The following ADGRA2 variants were observed in gnomAD, a reference collection of about 807,000 sequenced individuals.
The protein encoded by ADGRA2 is adhesion G protein-coupled receptor A2, also known as G-protein coupled receptor 124.
ADGRA2 carries 61 observed loss-of-function variants against 98.7 expected under a neutral mutation model. The ratio of observed to expected loss-of-function variants is 0.62; its 90% CI spans 0.50 to 0.76. ADGRA2 has a LOEUF of 0.76. Among genes scored for constraint, ADGRA2 ranks in the 30% least tolerant of loss-of-function variants. ADGRA2 has a pLI of 0.00. For synonymous variants in ADGRA2, 858 were observed against 831.5 expected (o/e 1.03, Z -0.55); for missense variants, 1,712 against 1,860.0 (o/e 0.92, Z 1.46).
rs781617227 is a variant in ADGRA2 at position 37,843,577 on chromosome 8, G to A, written c.*1222G>A. ...AAACCGAGGGAACCCTGGGTCTTGG[G>A]AAGAACAACAGGAAACCAAGGTCTG... On this transcript the variant is annotated 3_prime_UTR_variant, in exon 19 of 19. Coordinates refer to ENST00000412232, the MANE Select transcript of ADGRA2 (RefSeq NM_032777.10). The A allele has an allele frequency of 2.0e-5, 3 of 152,158 alleles. No individual in the cohort carries two copies. Among genetic ancestry groups the A allele is most frequent in the Non-Finnish European group, 4.4e-5 (3 of 68,048 alleles). The allele number at this position is 152,158 out of a possible 1,614,324, so 9.4% of individuals were successfully genotyped here. A position where few individuals can be genotyped will look rare whatever the true frequency, so the allele number is the denominator to read the frequency against.
rs1398034591 is a variant in ADGRA2, at chr8:37,844,464, G to A, written c.*2109G>A. ...GAATGTTATCAAGCTGTCAGAACAG[G>A]ATGAAGTGCTCCCAGTGGATATCCA... is the stretch of plus-strand genomic sequence containing the variant. On this transcript the variant is annotated 3_prime_UTR_variant, in exon 19 of 19. Transcript: ENST00000412232. 5 of 1,606,322 alleles carry A rather than the reference G, an allele frequency of 3.1e-6. No homozygotes were observed. The East Asian group carries it at 6.7e-5, about 22-fold the overall frequency.
In ADGRA2 at chr8:37,833,964, C is replaced by G. The variant is rs1317916924; in HGVS notation, c.1447-3C>G. ...GCCCTCAGCAACTTCCCTGTCCCCC[C>G]AGCTGGTAGAGGTGATGGTGGACAT... On this transcript the variant is annotated splice_polypyrimidine_tract_variant and splice_region_variant and intron_variant, in intron 10 of 18. Coordinates refer to ENST00000412232, the MANE Select transcript of ADGRA2 (RefSeq NM_032777.10). 1.9e-6 allele frequency: 3 copies of G among 1,611,078 alleles called. No individual in the cohort carries two copies. The highest frequency in any genetic ancestry group is 2.5e-6 in the Non-Finnish European group (3 of 1,178,112).
chr8:37,835,705 G>A lies in ADGRA2; in HGVS notation c.1985G>A (p.Arg662His), dbSNP rs576854487. 98 of 1,613,850 alleles carry A rather than the reference G, an allele frequency of 6.1e-5. No individual in the cohort carries two copies. The highest frequency in any genetic ancestry group is 6.0e-4 in the East Asian group (27 of 44,872). ...RLFHSHSNTS[R>H]PGAAGPGKRR... is the part of the protein sequence containing the mutation. ...TTCCACAGCCACAGCAACACCTCCC[G>A]CCCTGGAGCTGCTGGGCCTGGCAAG... Residue 662 changes from arginine to histidine, a missense_variant, in exon 13 of 19, where the codon CGC becomes CAC. Transcript: ENST00000412232.
At chr8:37,810,909 G>T (rs1804809099) in intron 1 of ADGRA2, among the ~76,000 whole-genome samples, 2 of 151,870 alleles carry the variant, frequency 1.3e-5, no homozygotes, top group African/African-American at 4.8e-5. Context: ...GAGGTCAGGA[G>T]ATCAAGACCA....
intron 1 of ADGRA2, among the ~76,000 whole-genome samples, chr8:37,799,225 A>G (rs754372992): frequency 1.3e-5 from 2 of 152,138 alleles, no homozygotes; most frequent in Non-Finnish European, 2.9e-5. Context: ...AAATACAAAA[A>G]TTAGCCAGGC....
At position 37,797,125 on chromosome 8, in the gene ADGRA2, C is replaced by T; in HGVS notation, c.-144C>T. The T allele has an allele frequency of 2.0e-6, 1 of 505,040 alleles. No homozygotes were observed. Among genetic ancestry groups the T allele is most frequent in the Non-Finnish European group, 2.8e-6 (1 of 355,578 alleles). 31.3% of individuals were successfully genotyped at this position (505,040 alleles called of 1,614,324 possible). On this transcript the variant is annotated 5_prime_UTR_variant, in exon 1 of 19. Coordinates refer to ENST00000412232, the MANE Select transcript of ADGRA2 (RefSeq NM_032777.10). The surrounding 1 kb of genome is among the most constrained non-coding windows in gnomAD (Gnocchi z 5.3). The stretch of plus-strand genomic sequence containing the variant: ...CCCCGGGGCGCGGCGGCGGGGACCC[C>T]GGGGCTCGCCTCCGCCCAGGGCCCC...
chr8:37,844,896 A>G lies in ADGRA2; in HGVS notation c.*2541A>G. ...CACAGACCGTTTGTCAAGTCTCAGA[A>G]CTCGTAACCAGGCCAGCTGCTCAGC... is the stretch of plus-strand genomic sequence containing the variant. On this transcript the variant is annotated 3_prime_UTR_variant, in exon 19 of 19. Transcript: ENST00000412232. The G allele has an allele frequency of 6.2e-7, 1 of 1,614,048 alleles. No individual in the cohort carries two copies. Among genetic ancestry groups the G allele is most frequent in the Non-Finnish European group, 8.5e-7 (1 of 1,180,002 alleles).
intron 1 of ADGRA2, among the ~76,000 whole-genome samples, chr8:37,806,604 T>TCTGCAACCTCTGCCTCC (rs1189038017): frequency 1.2e-4 from 18 of 146,788 alleles, no homozygotes; most frequent in Non-Finnish European, 2.5e-4. Context: ...ATCTTGGCTC[T>TCTGCAACCTCTGCCTCC]CTGCAACCTC....
rs760264703 is a variant in ADGRA2 at position 37,797,545 on chromosome 8, T to C, written c.266+11T>C. 2 of 1,373,512 alleles carry C rather than the reference T, an allele frequency of 1.5e-6. No homozygotes were observed. Among genetic ancestry groups the C allele is most frequent in the Non-Finnish European group, 1.9e-6 (2 of 1,058,204 alleles). The allele number at this position is 1,373,512 out of a possible 1,614,324, so 85.1% of individuals were successfully genotyped here. A position where few individuals can be genotyped will look rare whatever the true frequency, so the allele number is the denominator to read the frequency against. On this transcript the variant is annotated intron_variant, in intron 1 of 18. Coordinates refer to ENST00000412232, the MANE Select transcript of ADGRA2 (RefSeq NM_032777.10). This position sits in a 1 kb window ranked among gnomAD's most constrained non-coding sequence, Gnocchi z 5.3. ...CGGCACCGTTACCCTGTGAGTACCCTACCAGGCCAGTTCCGTCCGAGCCGG... is the reference window on the plus strand; with the variant it reads ...CGGCACCGTTACCCTGTGAGTACCCCACCAGGCCAGTTCCGTCCGAGCCGG...
At chr8:37,812,713 G>A (rs186152323) in intron 1 of ADGRA2, among the ~76,000 whole-genome samples, 3 of 151,644 alleles carry the variant, frequency 2.0e-5, no homozygotes, top group African/African-American at 7.3e-5. Context: ...TGCCCAGGGT[G>A]GAGTGCAATG....
At position 37,842,444 on chromosome 8, in the gene ADGRA2, G is replaced by A; in HGVS notation, c.*89G>A. ...CTCCAAGGTGTCTCCGTAGTCAGCAGGTTGGAGGCAGAGGAGCCGATGGCT... is the reference window on the plus strand; with the variant it reads ...CTCCAAGGTGTCTCCGTAGTCAGCAAGTTGGAGGCAGAGGAGCCGATGGCT... On this transcript the variant is annotated 3_prime_UTR_variant, in exon 19 of 19. Coordinates refer to ENST00000412232, the MANE Select transcript of ADGRA2 (RefSeq NM_032777.10). 1.4e-6 allele frequency: 2 copies of A among 1,382,594 alleles called. No individual in the cohort carries two copies. Among genetic ancestry groups the A allele is most frequent in the Non-Finnish European group, 1.9e-6 (2 of 1,068,010 alleles). 85.6% of individuals were successfully genotyped at this position (1,382,594 alleles called of 1,614,324 possible).
At chr8:37,823,190 CT>C (rs34242233) in intron 2 of ADGRA2, among the ~76,000 whole-genome samples, 20,831 of 130,014 alleles carry the variant, frequency 0.16, 1,495 homozygotes, top group Middle Eastern at 0.32. Flanking sequence ...CATGCCCAAC[CT>C]TTTTTTTTTT....
chr8:37,834,010 T>C lies in ADGRA2; in HGVS notation c.1490T>C (p.Val497Ala), dbSNP rs989517536. The change falls in exon 11 of 19, where the codon GTG (valine) becomes GCG (alanine). Residue 497 changes from valine (V) to alanine (A), a missense_variant. By Grantham distance (64) the Val-to-Ala change is moderately conservative. Coordinates refer to ENST00000412232, the MANE Select transcript of ADGRA2 (RefSeq NM_032777.10). This position sits in a 1 kb window ranked among gnomAD's most constrained non-coding sequence, Gnocchi z 4.2. ...MVDMASNLML[V>A]DEHLLWLAQR... ...GACATGGCCAGCAACCTGATGCTGG[T>C]GGACGAGCACCTGCTGTGGCTGGCC... The C allele has an allele frequency of 6.2e-7, 1 of 1,613,090 alleles. No homozygotes were observed. Among genetic ancestry groups the C allele is most frequent in the Non-Finnish European group, 8.5e-7 (1 of 1,179,942 alleles).
Position 37,841,237 on chromosome 8 carries a change from C to G in ADGRA2, c.2899C>G (p.Leu967Val). 6.2e-7 allele frequency: 1 copy of G among 1,613,574 alleles called. No individual in the cohort carries two copies. ...NPKAGNSRAS[L>V]EAGEELRGST... is the part of the protein sequence containing the mutation. ...CAAGGCGGGCAACAGCAGGGCCTCC[C>G]TGGAGGCAGGGGAGGAGCTGAGGGG... Residue 967 changes from leucine to valine, a missense_variant, in exon 19 of 19, where the codon CTG (leucine) becomes GTG (valine). Coordinates refer to ENST00000412232, the MANE Select transcript of ADGRA2 (RefSeq NM_032777.10). This position sits in a 1 kb window ranked among gnomAD's most constrained non-coding sequence, Gnocchi z 5.0.
intron 1 of ADGRA2, among the ~76,000 whole-genome samples, chr8:37,804,601 G>A (rs867484960): frequency 6.6e-6 from 1 of 152,214 alleles, no homozygotes; most frequent in Admixed American, 6.5e-5. Flanking sequence ...ACCTAGCTTA[G>A]AGGTTCAGCA....
rs1380293550 is a variant in ADGRA2 at position 37,841,665 on chromosome 8, G to A, written c.3327G>A (p.Val1109=). 6.5e-7 allele frequency: 1 copy of A among 1,527,874 alleles called. No individual in the cohort carries two copies. Among genetic ancestry groups the A allele is most frequent in the Non-Finnish European group, 8.8e-7 (1 of 1,137,014 alleles). The allele number at this position is 1,527,874 out of a possible 1,614,324, so 94.6% of individuals were successfully genotyped here. A position where few individuals can be genotyped will look rare whatever the true frequency, so the allele number is the denominator to read the frequency against. The change falls in exon 19 of 19, where the codon GTG becomes GTA. Residue 1109 remains valine, a synonymous_variant. Coordinates refer to ENST00000412232, the MANE Select transcript of ADGRA2 (RefSeq NM_032777.10). This position sits in a 1 kb window ranked among gnomAD's most constrained non-coding sequence, Gnocchi z 5.0. The stretch of plus-strand genomic sequence containing the variant: ...CCGCCGCAGAGGACGGTTCCCCGGT[G>A]TTCGGGGAGGGCCCCCCCTCCCTCA... ...LPAAAEDGSP[V]FGEGPPSLKS...
At position 37,836,088 on chromosome 8, in the gene ADGRA2, CACACACACA is replaced by C. The variant is rs1280133881; in HGVS notation, c.2050+319_2050+327del. On this transcript the variant is annotated intron_variant, in intron 13 of 18. Coordinates refer to ENST00000412232, the MANE Select transcript of ADGRA2 (RefSeq NM_032777.10). ...ACACACACACACACACACACACACA[CACACACACA>C]CCCCACAGGCCCAATGCAGACAAGT... 9.7e-4 allele frequency among the ~76,000 whole-genome samples: 130 copies of C among 134,140 alleles called. 1 individual carries two copies. The highest frequency in any genetic ancestry group is 1.9e-3 in the African/African-American group (67 of 34,390). The allele number at this position is 134,140 out of a possible 152,430, so 88.0% of individuals were successfully genotyped here. A position where few individuals can be genotyped will look rare whatever the true frequency, so the allele number is the denominator to read the frequency against.
At chr8:37,800,526 AT>A (rs1447710941) in intron 1 of ADGRA2, among the ~76,000 whole-genome samples, 1 of 152,196 alleles carries the variant, frequency 6.6e-6, no homozygotes, top group African/African-American at 2.4e-5. Context: ...AGTTTTCTCC[AT>A]CAGGTAAGGG....
At chr8:37,803,248 G>A (rs1264018782) in intron 1 of ADGRA2, among the ~76,000 whole-genome samples, 1 of 152,210 alleles carries the variant, frequency 6.6e-6, no homozygotes, top group East Asian at 1.9e-4. Context: ...GTTGATCGCT[G>A]TCCTTCCACT....
Sources: gnomAD v4.1 joint callset for allele counts (sites outside exome capture counted in the v4.1 genomes callset) on GRCh38, gnomAD v4.1.1 for gene constraint, Gnocchi (gnomAD v3.1) non-coding constraint, MANE v1.5 for transcripts, NCBI Gene and HGNC (gene_info 2026-07-23, HGNC 2026-07-21) for gene names.